The following CYFIP1 variants were observed in gnomAD, a reference collection of about 807,000 sequenced individuals.
CYFIP1 encodes cytoplasmic FMR1-interacting protein 1.
A neutral mutation model predicts 163.5 loss-of-function variants in CYFIP1; 58 were observed. The ratio of observed to expected loss-of-function variants is 0.35; its 90% CI spans 0.29 to 0.44. The LOEUF (loss-of-function observed/expected upper bound fraction) is 0.44. CYFIP1 is among the 20% of genes least tolerant of loss of function. The pLI is 1.00. For missense variants in CYFIP1, 1,338 were observed against 1,653.8 expected (o/e 0.81, Z 3.31); for synonymous variants, 663 against 660.7 (o/e 1.00, Z -0.05).
chr15:22,931,365 G>A (rs2061531327), intron 11 of CYFIP1, among the ~76,000 whole-genome samples: 1 of 152,116 alleles, frequency 6.6e-6, no homozygotes, highest in South Asian at 2.1e-4. Flanking sequence ...CAGCTGCAAA[G>A]CTGGAAGGAA....
chr15:22,867,448 T>A lies in CYFIP1; in HGVS notation c.*2580A>T. 2.8e-6 allele frequency: 1 copy of A among 352,744 alleles called. No individual in the cohort carries two copies. Among genetic ancestry groups the A allele is most frequent in the Non-Finnish European group, 5.0e-6 (1 of 198,498 alleles). 21.9% of individuals were successfully genotyped at this position (352,744 alleles called of 1,614,324 possible). On this transcript the variant is annotated 3_prime_UTR_variant, in exon 31 of 31. Transcript: ENST00000617928. ...ATTTCTCAGGTTGAGATGATCACCG[T>A]GAATCCGGCTTCCTCTGAGCATTCG...
At chr15:22,935,831 T>TAATTCA in intron 9 of CYFIP1, among the ~76,000 whole-genome samples, 1 of 152,198 alleles carries the variant, frequency 6.6e-6, no homozygotes, top group Non-Finnish European at 1.5e-5. Context: ...CATGTTAAAT[T>TAATTCA]AGCTTGAATT....
chr15:22,874,758 G>T (rs1159650697), intron 27 of CYFIP1, 114 bp from the exon 28 acceptor site: 2 of 681,060 alleles, frequency 2.9e-6, no homozygotes, highest in Non-Finnish European at 4.5e-6. Context: ...TATGGATACA[G>T]ATTCTCTTTG....
At chr15:22,944,460 A>T in intron 5 of CYFIP1, 98 bp downstream of exon 5, 1 of 785,308 alleles carries the variant, frequency 1.3e-6, no homozygotes. Flanking sequence ...ATTTGCAGGC[A>T]CTCTGTTCAG....
chr15:22,906,949 G>A (rs185155487), intron 21 of CYFIP1, among the ~76,000 whole-genome samples: 11 of 152,104 alleles, frequency 7.2e-5, no homozygotes, highest in Non-Finnish European at 1.5e-4. Context: ...CCTGTGGCTC[G>A]ACTGGAAGTG....
chr15:22,871,525 GC>G (rs1309743363), intron 30 of CYFIP1, among the ~76,000 whole-genome samples: 1 of 152,180 alleles, frequency 6.6e-6, no homozygotes, highest in Admixed American at 6.5e-5. Context: ...AGGCAGAAGG[GC>G]CCCTGAGAGA....
intron 30 of CYFIP1, 63 bp from the exon 31 acceptor site, chr15:22,870,255 A>G: frequency 6.6e-7 from 1 of 1,505,096 alleles, no homozygotes; most frequent in Non-Finnish European, 9.0e-7. Context: ...TTCATGTTTC[A>G]AAATGTCAGG....
rs7168839 is a variant in CYFIP1 at position 22,957,615 on chromosome 15, G to T, written c.-6-10324C>A. ...CGTGTCACTGCACTCCAGCCTGGGCGACAGAGCAAGACTCCATCTCAAAAA... is the reference window on the plus strand; with the variant it reads ...CGTGTCACTGCACTCCAGCCTGGGCTACAGAGCAAGACTCCATCTCAAAAA... On this transcript the variant is annotated intron_variant, in intron 1 of 30. Transcript: ENST00000617928. Among the ~76,000 whole-genome samples the T allele has an allele frequency of 2.6e-5, 4 of 151,672 alleles. No homozygotes were observed. In the South Asian group the frequency reaches 8.3e-4, roughly 31 times the overall value.
At chr15:22,906,417 A>G in intron 21 of CYFIP1, among the ~76,000 whole-genome samples, 1 of 146,358 alleles carries the variant, frequency 6.8e-6, no homozygotes, top group Admixed American at 6.9e-5. Context: ...CTATTTCTGG[A>G]TTTCTAAAAA....
At position 22,868,820 on chromosome 15, in the gene CYFIP1, T is replaced by C. The variant is rs760633324; in HGVS notation, c.*1208A>G. On this transcript the variant is annotated 3_prime_UTR_variant, in exon 31 of 31. Coordinates refer to ENST00000617928, the MANE Select transcript of CYFIP1 (RefSeq NM_014608.6). Reference sequence around the variant, plus strand: ...TTGGTGAAGGTTGCAATACTCCAAATAATGTAAAATGACTGCCAGGCTACA... The same window carrying C: ...TTGGTGAAGGTTGCAATACTCCAAACAATGTAAAATGACTGCCAGGCTACA... The C allele has an allele frequency of 5.3e-5, 8 of 152,198 alleles. No individual in the cohort carries two copies. Among genetic ancestry groups the C allele is most frequent in the Non-Finnish European group, 5.9e-5 (4 of 68,028 alleles). The allele number at this position is 152,198 out of a possible 1,614,324, so 9.4% of individuals were successfully genotyped here.
At position 22,868,036 on chromosome 15, in the gene CYFIP1, A is replaced by G. The variant is rs1488063992; in HGVS notation, c.*1992T>C. 6.6e-6 allele frequency: 1 copy of G among 152,246 alleles called. No homozygotes were observed. The highest frequency in any genetic ancestry group is 1.5e-5 in the Non-Finnish European group (1 of 68,050). 9.4% of individuals were successfully genotyped at this position (152,246 alleles called of 1,614,324 possible). A position where few individuals can be genotyped will look rare whatever the true frequency, so the allele number is the denominator to read the frequency against. ...TGGGAAGAAAGTGTTCGCCTGTTCC[A>G]GCCTGTGGCTCCTGCCTGGAGGTTA... On this transcript the variant is annotated 3_prime_UTR_variant, in exon 31 of 31. Coordinates refer to ENST00000617928, the MANE Select transcript of CYFIP1 (RefSeq NM_014608.6).
intron 17 of CYFIP1, among the ~76,000 whole-genome samples, chr15:22,913,603 A>AT (rs1266738718): frequency 9.4e-6 from 1 of 106,714 alleles, no homozygotes; most frequent in Non-Finnish European, 1.8e-5. Context: ...CATAGACAGC[A>AT]TTAAAAAAAA....
intron 26 of CYFIP1, among the ~76,000 whole-genome samples, chr15:22,879,383 A>G (rs1158591848): frequency 6.6e-6 from 1 of 152,112 alleles, no homozygotes; most frequent in Admixed American, 6.5e-5. Flanking sequence ...GGCCAGTCGA[A>G]AACACGAGGC....
In CYFIP1 at chr15:22,944,855, G is replaced by T. The variant is rs189758995; in HGVS notation, c.285+7C>A. The T allele has an allele frequency of 6.2e-7, 1 of 1,613,052 alleles. No homozygotes were observed. The highest frequency in any genetic ancestry group is 1.1e-5 in the South Asian group (1 of 91,062). On this transcript the variant is annotated splice_region_variant and intron_variant, in intron 4 of 30. Coordinates refer to ENST00000617928, the MANE Select transcript of CYFIP1 (RefSeq NM_014608.6). ...GCTGGAGGGGAAGAGCCAGGCGAGC[G>T]TGGCACCTGTGGGATGGCCCGGGAG...
intron 14 of CYFIP1, 103 bp downstream of exon 14, chr15:22,918,589 T>C: frequency 2.8e-6 from 3 of 1,089,128 alleles, no homozygotes; most frequent in African/African-American, 1.6e-5. Flanking sequence ...TGAAGATAAA[T>C]ATATTGAAAT....
At chr15:22,900,749 G>T (rs1036909616) in intron 22 of CYFIP1, among the ~76,000 whole-genome samples, 1 of 151,870 alleles carries the variant, frequency 6.6e-6, no homozygotes, top group Non-Finnish European at 1.5e-5. Context: ...ACGGCCCCAG[G>T]AGACTGAAAC....
intron 22 of CYFIP1, among the ~76,000 whole-genome samples, chr15:22,898,344 A>G (rs913180286): frequency 6.6e-6 from 1 of 152,060 alleles, no homozygotes; most frequent in African/African-American, 2.4e-5. Flanking sequence ...TGCAACCTCC[A>G]TGTCCTGGGT....
intron 15 of CYFIP1, chr15:22,916,855 C>A (rs371856670): frequency 6.4e-7 from 1 of 1,552,456 alleles, no homozygotes; most frequent in Non-Finnish European, 8.7e-7. Flanking sequence ...GTGCCATAAA[C>A]GTCAAGAGAA....
intron 1 of CYFIP1, among the ~76,000 whole-genome samples, chr15:22,948,574 G>C (rs1254366028): frequency 6.6e-6 from 1 of 152,118 alleles, no homozygotes; most frequent in African/African-American, 2.4e-5. Context: ...AGCACACAAA[G>C]AACGAGGAAC....
Sources: gnomAD v4.1 joint callset for allele counts (sites outside exome capture counted in the v4.1 genomes callset) on GRCh38, gnomAD v4.1.1 for gene constraint, MANE v1.5 for transcripts, NCBI Gene and HGNC (gene_info 2026-07-23, HGNC 2026-07-21) for gene names.